GPBP1: variants seen among roughly 807,000 people sequenced by gnomAD.
GPBP1 encodes vasculin.
In GPBP1, 13 loss-of-function variants were observed where a neutral mutation model predicts 56.5. The observed-to-expected ratio is 0.23, with a 90% CI of 0.15 to 0.37. The LOEUF is 0.37. Among genes scored for constraint, GPBP1 ranks in the 10% least tolerant of loss-of-function variants. The pLI, the probability that GPBP1 is intolerant of heterozygous loss-of-function variation, is 1.00. For missense variants in GPBP1, 477 were observed against 572.3 expected (o/e 0.83, Z 1.70); for synonymous variants, 204 against 188.9 (o/e 1.08, Z -0.66).
intron 3 of GPBP1, among the ~76,000 whole-genome samples, chr5:57,227,548 A>G (rs948531478): frequency 3.9e-5 from 6 of 152,198 alleles, no homozygotes; most frequent in Non-Finnish European, 5.9e-5. Flanking sequence ...TACACTTTGC[A>G]TGGGCCGTTT....
At chr5:57,186,050 CTG>C (rs1754272162) in intron 2 of GPBP1, among the ~76,000 whole-genome samples, 1 of 151,932 alleles carries the variant, frequency 6.6e-6, no homozygotes, top group Admixed American at 6.6e-5. Flanking sequence ...TTCTCTCAGA[CTG>C]TGGTTTGTTT....
chr5:57,206,405 T>G (rs1180144129), intron 2 of GPBP1, among the ~76,000 whole-genome samples: 1 of 152,172 alleles, frequency 6.6e-6, no homozygotes, highest in Non-Finnish European at 1.5e-5. Context: ...TTTATTTTAT[T>G]TATTTATTTT....
At chr5:57,245,242 T>G (rs540965246) in intron 6 of GPBP1, among the ~76,000 whole-genome samples, 13 of 152,350 alleles carry the variant, frequency 8.5e-5, no homozygotes, top group African/African-American at 3.1e-4. Flanking sequence ...AAGATGAACC[T>G]TTTCTCAGAT....
intron 6 of GPBP1, chr5:57,237,208 A>G (rs1410921846): frequency 1.3e-5 from 17 of 1,339,768 alleles, no homozygotes; most frequent in Non-Finnish European, 1.8e-5. Flanking sequence ...TCTGGGAACA[A>G]CTGATTGCAT....
rs1756423144 is a variant in GPBP1, at chr5:57,230,856, A to C, written c.74A>C (p.Asn25Thr). 1 of 1,605,348 alleles carries C rather than the reference A, an allele frequency of 6.2e-7. No homozygotes were observed. Among genetic ancestry groups the C allele is most frequent in the African/African-American group, 1.3e-5 (1 of 74,520 alleles). ...TATAATTTGTTTCAGTCGTCATTGAATTTTGAGAAGCATTCTGAAAACTTT... is the reference window on the plus strand; with the variant it reads ...TATAATTTGTTTCAGTCGTCATTGACTTTTGAGAAGCATTCTGAAAACTTT... ...TPPSSTKSSL[N>T]FEKHSENFAW... Residue 25 changes from asparagine (N) to threonine (T), a missense_variant, in exon 4 of 12, where the codon AAT (asparagine) becomes ACT (threonine). By Grantham distance (65) the Asn-to-Thr change is moderately conservative. Coordinates refer to ENST00000506184, the MANE Select transcript of GPBP1 (RefSeq NM_022913.4).
chr5:57,191,934 T>C (rs1235605720), intron 2 of GPBP1, among the ~76,000 whole-genome samples: 1 of 152,200 alleles, frequency 6.6e-6, no homozygotes, highest in African/African-American at 2.4e-5. Context: ...GATGAGACCA[T>C]GATAGTTCAT....
intron 5 of GPBP1, among the ~76,000 whole-genome samples, chr5:57,235,522 T>A (rs1756625747): frequency 6.6e-6 from 1 of 152,176 alleles, no homozygotes; most frequent in Non-Finnish European, 1.5e-5. Context: ...GACTTTTTTC[T>A]TAGTTATGGA....
intron 5 of GPBP1, 129 bp from the exon 6 acceptor site, chr5:57,235,837 T>A (rs943773716): frequency 9.0e-6 from 6 of 667,302 alleles, no homozygotes; most frequent in African/African-American, 1.9e-5. Context: ...CTTTTCAGAT[T>A]AGGGTTATTC....
At chr5:57,250,303 C>G (rs1033693911) in intron 9 of GPBP1, among the ~76,000 whole-genome samples, 3 of 151,778 alleles carry the variant, frequency 2.0e-5, no homozygotes, top group African/African-American at 7.3e-5. Flanking sequence ...TGTACCTGGC[C>G]ATGACTTCAT....
At chr5:57,214,246 C>A (rs370511136) in intron 3 of GPBP1, 53 bp downstream of exon 3, 28 of 1,377,114 alleles carry the variant, frequency 2.0e-5, no homozygotes, top group Non-Finnish European at 2.8e-5. Context: ...TCATTTTTTA[C>A]ACAAATGTAA....
chr5:57,213,429 A>G (rs2111761813), intron 2 of GPBP1, among the ~76,000 whole-genome samples: 1 of 151,956 alleles, frequency 6.6e-6, no homozygotes, highest in African/African-American at 2.4e-5. Flanking sequence ...CCATTTAATA[A>G]TATCCAGCTT....
At chr5:57,244,353 C>A (rs1210698493) in intron 6 of GPBP1, among the ~76,000 whole-genome samples, 1 of 152,206 alleles carries the variant, frequency 6.6e-6, no homozygotes, top group African/African-American at 2.4e-5. Flanking sequence ...TCCTCCCTTA[C>A]AGTAATTTTA....
rs892925777 is a variant in GPBP1, at chr5:57,186,275, A to G, written c.-58+9875A>G. Reference sequence around the variant, plus strand: ...GTGGGCATGGTGGCATACCTCAGCTACTTGAGAGACCAAGGTGGCAGGTTT... The same window carrying G: ...GTGGGCATGGTGGCATACCTCAGCTGCTTGAGAGACCAAGGTGGCAGGTTT... On this transcript the variant is annotated intron_variant, in intron 2 of 11. Transcript: ENST00000506184. 3.3e-5 allele frequency among the ~76,000 whole-genome samples: 5 copies of G among 151,952 alleles called. No individual in the cohort carries two copies. The South Asian group carries it at 6.2e-4, about 19-fold the overall frequency.
intron 3 of GPBP1, among the ~76,000 whole-genome samples, chr5:57,225,508 A>AAAAAAAAAAAAAC (rs1554069044): frequency 8.1e-6 from 1 of 123,630 alleles, no homozygotes; most frequent in Non-Finnish European, 1.7e-5. Context: ...AAAAAAAAAA[A>AAAAAAAAAAAAAC]AAACAAACTG....
In GPBP1 at chr5:57,237,308, TC is replaced by T; in HGVS notation, c.478+1277del. ...TTGATTAGAATGAAAGTTTTAAAAATCAAGAATGCCAGTGAGCGTTTGTCAT... is the reference window on the plus strand; with the variant it reads ...TTGATTAGAATGAAAGTTTTAAAAATAAGAATGCCAGTGAGCGTTTGTCAT... On this transcript the variant is annotated intron_variant, in intron 6 of 11. Coordinates refer to ENST00000506184, the MANE Select transcript of GPBP1 (RefSeq NM_022913.4). 4.3e-6 allele frequency: 3 copies of T among 691,860 alleles called. No homozygotes were observed. The South Asian group carries it at 5.0e-5, about 12-fold the overall frequency. The allele number at this position is 691,860 out of a possible 1,614,324, so 42.9% of individuals were successfully genotyped here.
chr5:57,185,574 T>C (rs1429977330), intron 2 of GPBP1, among the ~76,000 whole-genome samples: 2 of 152,148 alleles, frequency 1.3e-5, no homozygotes, highest in African/African-American at 4.8e-5. Flanking sequence ...TGGCTAGTTA[T>C]GTCTTTTAAA....
At chr5:57,197,684 C>T (rs1313511180) in intron 2 of GPBP1, among the ~76,000 whole-genome samples, 1 of 64,988 alleles carries the variant, frequency 1.5e-5, no homozygotes, top group African/African-American at 6.8e-5. Context: ...TGCTTGATGT[C>T]ATGTTTTTCT....
intron 2 of GPBP1, among the ~76,000 whole-genome samples, chr5:57,189,619 C>G (rs932877198): frequency 6.6e-6 from 1 of 152,192 alleles, no homozygotes; most frequent in African/African-American, 2.4e-5. Flanking sequence ...CCATTGTGTA[C>G]TCTATTTCAT....
Position 57,254,296 on chromosome 5 carries a change from T to C in GPBP1, c.1160+3155T>C, listed in dbSNP as rs151045969. ...CTTTATCTTTCTGTCTTTAATCATA[T>C]ATTATTACTTTATCTTCGTGGTTAC... On this transcript the variant is annotated intron_variant, in intron 10 of 11. Coordinates refer to ENST00000506184, the MANE Select transcript of GPBP1 (RefSeq NM_022913.4). 3.3e-5 allele frequency among the ~76,000 whole-genome samples: 5 copies of C among 152,312 alleles called. No individual in the cohort carries two copies. The East Asian group carries it at 9.7e-4, about 29-fold the overall frequency.
Sources: gnomAD v4.1 joint callset for allele counts (sites outside exome capture counted in the v4.1 genomes callset) on GRCh38, gnomAD v4.1.1 for gene constraint, MANE v1.5 for transcripts, NCBI Gene and HGNC (gene_info 2026-07-23, HGNC 2026-07-21) for gene names.